Variants in SUSD4 observed in about 807,000 individuals in gnomAD.
The protein encoded by SUSD4 is sushi domain-containing protein 4.
SUSD4 carries 41 observed loss-of-function variants against 50.5 expected under a neutral mutation model. That is an observed-to-expected ratio of 0.81 (90% CI 0.63 to 1.05). SUSD4 has a LOEUF of 1.05. Ranked by LOEUF, SUSD4 falls within the 50% of genes least tolerant of loss-of-function variation. The pLI is 0.00. For missense variants in SUSD4, 580 were observed against 634.7 expected (o/e 0.91, Z 0.93); for synonymous variants, 257 against 257.3 (o/e 1.00, Z 0.01).
intron 5 of SUSD4, among the ~76,000 whole-genome samples, chr1:223,248,828 T>C (rs1161139500): frequency 6.6e-6 from 1 of 151,998 alleles, no homozygotes; most frequent in Non-Finnish European, 1.5e-5. Flanking sequence ...ATGCATGTGA[T>C]GACAACTGTG....
chr1:223,232,564 G>C (rs1249234616), intron 5 of SUSD4, among the ~76,000 whole-genome samples: 2 of 152,182 alleles, frequency 1.3e-5, no homozygotes, highest in African/African-American at 4.8e-5. Context: ...ATAAATGTAT[G>C]CAAGTTTGTT....
intron 3 of SUSD4, among the ~76,000 whole-genome samples, chr1:223,290,240 G>T (rs1221037027): frequency 6.6e-6 from 1 of 152,142 alleles, no homozygotes; most frequent in African/African-American, 2.4e-5. Context: ...TTACAAAGCA[G>T]AAAAAAGACA....
intron 2 of SUSD4, among the ~76,000 whole-genome samples, chr1:223,310,922 T>C (rs1665834470): frequency 6.6e-6 from 1 of 152,216 alleles, no homozygotes; most frequent in Non-Finnish European, 1.5e-5. Context: ...CAGAGGTACC[T>C]GCAAATAACA....
chr1:223,349,032 G>A (rs1668202266), intron 2 of SUSD4, among the ~76,000 whole-genome samples: 2 of 152,082 alleles, frequency 1.3e-5, no homozygotes, highest in South Asian at 4.1e-4. Flanking sequence ...AATGGATGCG[G>A]CCACTATGCT....
intron 5 of SUSD4, among the ~76,000 whole-genome samples, chr1:223,254,520 G>C (rs1468677613): frequency 6.6e-6 from 1 of 152,186 alleles, no homozygotes; most frequent in Non-Finnish European, 1.5e-5. Flanking sequence ...CAGATTCGGA[G>C]AGAGAGGATG....
chr1:223,240,415 T>A (rs1660499010), intron 5 of SUSD4, among the ~76,000 whole-genome samples: 1 of 152,194 alleles, frequency 6.6e-6, no homozygotes, highest in African/African-American at 2.4e-5. Flanking sequence ...CTTTCTGGTA[T>A]CTCCATTACA....
intron 3 of SUSD4, among the ~76,000 whole-genome samples, chr1:223,288,862 C>G (rs188907047): frequency 1.3e-5 from 2 of 152,204 alleles, no homozygotes; most frequent in African/African-American, 2.4e-5. Flanking sequence ...CACACAAAGT[C>G]TGACTGCTAC....
chr1:223,292,609 T>C lies in SUSD4; in HGVS notation c.191A>G (p.Glu64Gly). Residue 64 changes from glutamate to glycine, a missense_variant, in exon 3 of 9, where the codon GAG (glutamate) becomes GGG (glycine). Physicochemically the swap from Glu to Gly is moderately conservative, Grantham distance 98 (BLOSUM62 -2). Transcript: ENST00000366878. Reference protein sequence around the residue: ...LQVCADPGIPENGFRTPSGGV... With the variant: ...LQVCADPGIPGNGFRTPSGGV... ...TCCGCTGGGGGTCCTGAAGCCATTC[T>C]CGGGAATGCCGGGGTCAGCACACAC... 1 of 1,614,102 alleles carries C rather than the reference T, an allele frequency of 6.2e-7. No individual in the cohort carries two copies. The highest frequency in any genetic ancestry group is 8.5e-7 in the Non-Finnish European group (1 of 1,180,008).
chr1:223,324,403 A>G (rs1456159688), intron 2 of SUSD4, among the ~76,000 whole-genome samples: 1 of 151,912 alleles, frequency 6.6e-6, no homozygotes, highest in Non-Finnish European at 1.5e-5. Context: ...ACTGTTCACA[A>G]TGAAGACCCA....
chr1:223,313,159 C>A (rs2103219352), intron 2 of SUSD4, among the ~76,000 whole-genome samples: 1 of 152,276 alleles, frequency 6.6e-6, no homozygotes, highest in South Asian at 2.1e-4. Flanking sequence ...AGGATGGGGG[C>A]TGGCCATGCC....
At chr1:223,294,369 G>A (rs960922601) in intron 2 of SUSD4, among the ~76,000 whole-genome samples, 2 of 152,160 alleles carry the variant, frequency 1.3e-5, no homozygotes, top group Admixed American at 6.5e-5. Context: ...CTCAGATATC[G>A]AACTCATATC....
intron 2 of SUSD4, among the ~76,000 whole-genome samples, chr1:223,350,316 C>T (rs1459795444): frequency 5.3e-5 from 8 of 152,168 alleles, no homozygotes; most frequent in African/African-American, 1.4e-4. Flanking sequence ...CATAGTTAAG[C>T]GCTCAATAAA....
chr1:223,247,839 T>C (rs1022710642), intron 5 of SUSD4, among the ~76,000 whole-genome samples: 1 of 152,074 alleles, frequency 6.6e-6, no homozygotes, highest in African/African-American at 2.4e-5. Context: ...GTCCCCACAG[T>C]TGCAATGGTC....
chr1:223,274,912 G>C (rs1663155735), intron 3 of SUSD4, among the ~76,000 whole-genome samples: 1 of 152,128 alleles, frequency 6.6e-6, no homozygotes, highest in Admixed American at 6.5e-5. Context: ...TGAATAGTTA[G>C]AAAATCTCCA....
chr1:223,234,808 G>C, intron 5 of SUSD4: 1 of 1,117,774 alleles, frequency 8.9e-7, no homozygotes, highest in Non-Finnish European at 1.2e-6. Flanking sequence ...AAAATAAAGA[G>C]GCCAACGTTT....
chr1:223,254,671 G>A (rs1376758617), intron 5 of SUSD4, among the ~76,000 whole-genome samples: 1 of 152,146 alleles, frequency 6.6e-6, no homozygotes, highest in Non-Finnish European at 1.5e-5. Flanking sequence ...AAAGATCAGT[G>A]TTTCTGGATT....
At chr1:223,224,003 C>T (rs538571519) in intron 7 of SUSD4, among the ~76,000 whole-genome samples, 1 of 152,328 alleles carries the variant, frequency 6.6e-6, no homozygotes, top group Middle Eastern at 3.4e-3. Context: ...GCCCAGTGCA[C>T]CTCTGAAGTG....
intron 3 of SUSD4, among the ~76,000 whole-genome samples, chr1:223,277,373 TG>T (rs1663354472): frequency 6.6e-6 from 1 of 152,064 alleles, no homozygotes; most frequent in Admixed American, 6.5e-5. Flanking sequence ...CAGAGCAAAC[TG>T]GAGCTGTGGC....
intron 3 of SUSD4, among the ~76,000 whole-genome samples, chr1:223,285,928 C>T (rs1401084386): frequency 6.6e-6 from 1 of 152,116 alleles, no homozygotes; most frequent in South Asian, 2.1e-4. Context: ...GTATACCAAA[C>T]CTCCAAGACA....
Sources: gnomAD v4.1 joint callset for allele counts (sites outside exome capture counted in the v4.1 genomes callset) on GRCh38, gnomAD v4.1.1 for gene constraint, MANE v1.5 for transcripts, NCBI Gene and HGNC (gene_info 2026-07-23, HGNC 2026-07-21) for gene names.